CACNA1C: variants seen among roughly 807,000 people sequenced by gnomAD.
CACNA1C encodes voltage-dependent L-type calcium channel subunit alpha-1C.
Under a neutral mutation model 229.0 loss-of-function variants are expected in CACNA1C, and 30 were observed. The observed-to-expected ratio is 0.13, with a 90% CI of 0.10 to 0.18. The LOEUF (loss-of-function observed/expected upper bound fraction) is 0.18, where lower values mean the gene tolerates loss of function less well. Among genes scored for constraint, CACNA1C ranks in the 10% least tolerant of loss-of-function variants. The pLI is 1.00. For missense variants in CACNA1C, 1,658 were observed against 2,845.0 expected, an observed-to-expected ratio of 0.58 and a Z score of 9.49; for synonymous variants, 1,114 against 1,132.5, an observed-to-expected ratio of 0.98 and a Z score of 0.33.
intron 3 of CACNA1C, among the ~76,000 whole-genome samples, chr12:2,381,361 G>C (rs1482347088): frequency 6.6e-6 from 1 of 152,248 alleles, no homozygotes; most frequent in African/African-American, 2.4e-5. Flanking sequence ...TCCCGATTAT[G>C]ATTTTAGAAC....
At chr12:2,417,288 C>A (rs1467721304) in intron 3 of CACNA1C, among the ~76,000 whole-genome samples, 1 of 152,238 alleles carries the variant, frequency 6.6e-6, no homozygotes, top group Non-Finnish European at 1.5e-5. Context: ...TCATGATCAG[C>A]TTCCAGCAGT....
intron 30 of CACNA1C, 79 bp from the exon 31 acceptor site, chr12:2,648,396 G>GT: frequency 7.5e-7 from 1 of 1,331,370 alleles, no homozygotes; most frequent in Non-Finnish European, 1.1e-6. Flanking sequence ...TGTTGCTCCC[G>GT]TGTCAGCCAA....
intron 3 of CACNA1C, among the ~76,000 whole-genome samples, chr12:2,312,116 C>T (rs1351389369): frequency 6.6e-6 from 1 of 152,142 alleles, no homozygotes; most frequent in Non-Finnish European, 1.5e-5. Flanking sequence ...TGTAAAACAC[C>T]AGAAACCCAT....
intron 5 of CACNA1C, among the ~76,000 whole-genome samples, chr12:2,462,069 C>T (rs2099509594): frequency 6.6e-6 from 1 of 152,062 alleles, no homozygotes; most frequent in East Asian, 1.9e-4. Flanking sequence ...CCTAAGCTCA[C>T]CCCCTTCACC....
intron 3 of CACNA1C, among the ~76,000 whole-genome samples, chr12:2,283,380 G>C (rs1033052203): frequency 6.6e-6 from 1 of 152,218 alleles, no homozygotes; most frequent in Non-Finnish European, 1.5e-5. Flanking sequence ...TGAAAATGCA[G>C]GGTATGGAAG....
rs557926833 is a variant in CACNA1C at position 2,257,652 on chromosome 12, G to A, written c.477+137222G>A. ...CATGGACCGGTACCTGGGGGCTGGG[G>A]ACCCCCGCTCTAGCGTGTTCCCTTC... is the stretch of plus-strand genomic sequence containing the variant. On this transcript the variant is annotated intron_variant, in intron 3 of 46. Transcript: ENST00000399655. Among the ~76,000 whole-genome samples, 194 of 152,338 alleles carry A rather than the reference G, an allele frequency of 1.3e-3. 1 individual carries two copies. Among genetic ancestry groups the A allele is most frequent in the Non-Finnish European group, 2.3e-3 (155 of 68,030 alleles).
chr12:2,434,658 T>C (rs2099117024), intron 3 of CACNA1C, among the ~76,000 whole-genome samples: 1 of 152,230 alleles, frequency 6.6e-6, no homozygotes, highest in Non-Finnish European at 1.5e-5. Context: ...TTGCATGGCA[T>C]GTCCAAGTCC....
chr12:2,418,788 C>T (rs1023749670), intron 3 of CACNA1C, among the ~76,000 whole-genome samples: 16 of 152,130 alleles, frequency 1.1e-4, no homozygotes, highest in Non-Finnish European at 1.8e-4. Context: ...TACAACCTGA[C>T]ACGAGCCAGG....
chr12:2,249,734 G>A (rs1181414446), intron 3 of CACNA1C, among the ~76,000 whole-genome samples: 1 of 152,046 alleles, frequency 6.6e-6, no homozygotes, highest in Non-Finnish European at 1.5e-5. Flanking sequence ...TCACTCGGCC[G>A]GTGGCTCCGA....
In CACNA1C at chr12:2,674,351, G is replaced by A. The variant is rs11062308; in HGVS notation, c.4727-190G>A. On this transcript the variant is annotated intron_variant, in intron 38 of 46. Transcript: ENST00000399655. ...AGGGAAGGGGGAAGGAAGGAAGGTG[G>A]ACAGAGGAAGGGGAAGAGGAAGGAG... is the stretch of plus-strand genomic sequence containing the variant. 0.044 allele frequency: 34,196 copies of A among 773,098 alleles called. 1,333 individuals are homozygous for A. The highest frequency in any genetic ancestry group is 0.16 in the East Asian group (5,730 of 34,988). The allele number at this position is 773,098 out of a possible 1,614,324, so 47.9% of individuals were successfully genotyped here. A position where few individuals can be genotyped will look rare whatever the true frequency, so the allele number is the denominator to read the frequency against.
At position 2,683,895 on chromosome 12, in the gene CACNA1C, G is replaced by A. The variant is rs377648024; in HGVS notation, c.5573+1217G>A. Among the ~76,000 whole-genome samples the A allele has an allele frequency of 3.9e-5, 6 of 152,240 alleles. No individual in the cohort carries two copies. In the South Asian group the frequency reaches 6.2e-4, roughly 16 times the overall value. ...CCCGCCAGGGAACCCTGGAGCTGCC[G>A]ATGCAGACAGGGAGGAGCCCCACGG... On this transcript the variant is annotated intron_variant, in intron 43 of 46. Coordinates refer to ENST00000399655, the MANE Select transcript of CACNA1C (RefSeq NM_000719.7).
At position 2,679,973 on chromosome 12, in the gene CACNA1C, C is replaced by T. The variant is rs1316756001; in HGVS notation, c.5444+177C>T. ...ACTATGCTGTCTCCCAAGTCCTGCC[C>T]TTGATCAGACCTGGCAGGCTCAGGG... is the stretch of plus-strand genomic sequence containing the variant. On this transcript the variant is annotated intron_variant, in intron 42 of 46. Transcript: ENST00000399655. The surrounding 1 kb of genome is among the most constrained non-coding windows in gnomAD (Gnocchi z 5.5). Among the ~76,000 whole-genome samples, 2 of 152,234 alleles carry T rather than the reference C, an allele frequency of 1.3e-5. No individual in the cohort carries two copies. Among genetic ancestry groups the T allele is most frequent in the Non-Finnish European group, 2.9e-5 (2 of 68,042 alleles).
chr12:2,606,952 C>A lies in CACNA1C; in HGVS notation c.3210-32C>A, dbSNP rs79348232. Reference sequence around the variant, plus strand: ...CCAGGCGTGAAGGAAGATGGGAGATCCCAGAGTAAACTCCTTCTCCTCCTC... The same window carrying A: ...CCAGGCGTGAAGGAAGATGGGAGATACCAGAGTAAACTCCTTCTCCTCCTC... On this transcript the variant is annotated intron_variant, in intron 25 of 46. Transcript: ENST00000399655. The A allele has an allele frequency of 7.3e-5, 117 of 1,609,360 alleles. No individual in the cohort carries two copies. The East Asian group carries it at 2.4e-3, about 33-fold the overall frequency.
intron 3 of CACNA1C, among the ~76,000 whole-genome samples, chr12:2,155,779 G>A (rs563127980): frequency 1.3e-5 from 2 of 152,326 alleles, no homozygotes; most frequent in South Asian, 4.1e-4. Context: ...TGAGCCAGAT[G>A]TCCCTGGAAA....
chr12:2,545,212 ATTTTT>A (rs56971243), intron 9 of CACNA1C, among the ~76,000 whole-genome samples: 5 of 131,642 alleles, frequency 3.8e-5, no homozygotes, highest in South Asian at 2.4e-4. Context: ...CAAAACAATG[ATTTTT>A]TTTTTTTTTT....
intron 5 of CACNA1C, among the ~76,000 whole-genome samples, chr12:2,478,446 C>G (rs1034080364): frequency 6.6e-6 from 1 of 152,164 alleles, no homozygotes; most frequent in Non-Finnish European, 1.5e-5. Flanking sequence ...TCATTCCCCA[C>G]CCATGATGGA....
chr12:2,179,628 C>T (rs1323012835), intron 3 of CACNA1C, among the ~76,000 whole-genome samples: 1 of 152,124 alleles, frequency 6.6e-6, no homozygotes, highest in African/African-American at 2.4e-5. Flanking sequence ...AGACCTGAGT[C>T]TCAAAGTTGG....
At chr12:1,992,878 A>C (rs2039792810) in intron 1 of CACNA1C, 1 of 461,204 alleles carries the variant, frequency 2.2e-6, no homozygotes, top group African/African-American at 2.0e-5. Context: ...TGATACATAA[A>C]GAAAAAGTGC....
In CACNA1C at chr12:2,446,161, GTGGA is replaced by G. The variant is rs149447474; in HGVS notation, c.478-2797_478-2794del. Among the ~76,000 whole-genome samples the G allele has an allele frequency of 4.9e-3, 732 of 150,924 alleles. 7 individuals are homozygous for G. Among genetic ancestry groups the G allele is most frequent in the African/African-American group, 0.017 (706 of 41,108 alleles). ...GATGGATAAATGTATAGGTAGGTAG[GTGGA>G]TGGATGGATGGATGGATATATGTAG... is the stretch of plus-strand genomic sequence containing the variant. On this transcript the variant is annotated intron_variant, in intron 3 of 46. Transcript: ENST00000399655.
Sources: gnomAD v4.1 joint callset for allele counts (sites outside exome capture counted in the v4.1 genomes callset) on GRCh38, gnomAD v4.1.1 for gene constraint, Gnocchi (gnomAD v3.1) non-coding constraint, MANE v1.5 for transcripts, NCBI Gene and HGNC (gene_info 2026-07-23, HGNC 2026-07-21) for gene names.